NAALADL2: variants seen among roughly 807,000 people sequenced by gnomAD.
The protein encoded by NAALADL2 is N-acetylated alpha-linked acidic dipeptidase like 2, also known as inactive N-acetylated-alpha-linked acidic dipeptidase-like protein 2.
In NAALADL2, 76 loss-of-function variants were observed where a neutral mutation model predicts 87.2. The observed-to-expected ratio is 0.87, with a 90% CI of 0.72 to 1.05. The LOEUF is 1.05. Ranked by LOEUF, NAALADL2 falls within the 50% of genes least tolerant of loss-of-function variation. NAALADL2 has a pLI of 0.00. For synonymous variants in NAALADL2, 354 were observed against 331.0 expected (o/e 1.07, Z -0.75); for missense variants, 1,089 against 945.8 (o/e 1.15, Z -1.99).
chr3:175,658,728 C>G (rs527733379), intron 11 of NAALADL2, among the ~76,000 whole-genome samples: 1 of 152,182 alleles, frequency 6.6e-6, no homozygotes, highest in East Asian at 1.9e-4. Flanking sequence ...TGAGTATATC[C>G]AAACAATCTT....
chr3:174,788,323 G>T (rs1019049274), intron 3 of NAALADL2, among the ~76,000 whole-genome samples: 1 of 152,160 alleles, frequency 6.6e-6, no homozygotes, highest in Non-Finnish European at 1.5e-5. Context: ...AAGTCTATTT[G>T]AAAGAAGACA....
intron 3 of NAALADL2, among the ~76,000 whole-genome samples, chr3:174,792,600 G>A (rs1245648134): frequency 3.3e-5 from 5 of 152,050 alleles, no homozygotes; most frequent in Non-Finnish European, 7.4e-5. Context: ...TTCTGGTATG[G>A]CAATTCTCTT....
chr3:175,522,884 C>G (rs1015200374), intron 9 of NAALADL2, among the ~76,000 whole-genome samples: 20 of 152,106 alleles, frequency 1.3e-4, no homozygotes, highest in African/African-American at 4.6e-4. Context: ...TCTACATATC[C>G]CTTAAAATCA....
intron 3 of NAALADL2, among the ~76,000 whole-genome samples, chr3:174,853,083 TG>T (rs1284989048): frequency 6.6e-6 from 1 of 150,904 alleles, no homozygotes; most frequent in Non-Finnish European, 1.5e-5. Context: ...GACTTACATC[TG>T]GCAGGGTGCA....
intron 1 of NAALADL2, among the ~76,000 whole-genome samples, chr3:174,461,833 G>A (rs1398072110): frequency 2.0e-5 from 3 of 152,006 alleles, no homozygotes; most frequent in African/African-American, 7.2e-5. Context: ...CCCACACTGT[G>A]TGTGTGTATG....
rs1016797184 is a variant in NAALADL2, at chr3:175,312,104, T to C, written c.940-12071T>C. 2.6e-5 allele frequency among the ~76,000 whole-genome samples: 4 copies of C among 152,140 alleles called. No individual in the cohort carries two copies. The South Asian group carries it at 8.3e-4, about 31-fold the overall frequency. On this transcript the variant is annotated intron_variant, in intron 4 of 13. Transcript: ENST00000454872. ...ACTGGAATCTTACAAGAATTTTTAG[T>C]GGCATTCTTACAACACAATACATAA...
intron 1 of NAALADL2, among the ~76,000 whole-genome samples, chr3:174,518,222 A>G (rs909858108): frequency 5.9e-5 from 9 of 152,144 alleles, no homozygotes; most frequent in Non-Finnish European, 1.0e-4. Flanking sequence ...TGATTTTTAA[A>G]GTTTGGCAAA....
At chr3:175,096,737 T>A in intron 1 of NAALADL2, 53 bp from the exon 2 acceptor site, 4 of 1,230,842 alleles carry the variant, frequency 3.2e-6, no homozygotes, top group Non-Finnish European at 4.3e-6. Flanking sequence ...ACTTTGTTAG[T>A]TTTTTTAATT....
chr3:174,559,505 T>C (rs765983833), intron 2 of NAALADL2, among the ~76,000 whole-genome samples: 2 of 151,966 alleles, frequency 1.3e-5, no homozygotes, highest in Non-Finnish European at 2.9e-5. Context: ...TCGTGCAAGA[T>C]GGAGTTGCTT....
intron 3 of NAALADL2, among the ~76,000 whole-genome samples, chr3:174,798,837 T>A (rs1004593133): frequency 5.3e-5 from 8 of 152,112 alleles, no homozygotes; most frequent in African/African-American, 1.9e-4. Context: ...TTCCTATGGA[T>A]TTTTTTATAT....
intron 6 of NAALADL2, chr3:175,460,052 T>C (rs1722879849): frequency 4.7e-6 from 2 of 427,834 alleles, no homozygotes; most frequent in Non-Finnish European, 9.3e-6. Flanking sequence ...CAGATTATAC[T>C]ACAGAGAGTT....
At chr3:174,590,870 T>A (rs1231395856) in intron 2 of NAALADL2, among the ~76,000 whole-genome samples, 2 of 152,132 alleles carry the variant, frequency 1.3e-5, no homozygotes, top group African/African-American at 4.8e-5. Flanking sequence ...TACTAGCTAT[T>A]TCGGTGAAAT....
chr3:175,806,890 T>A lies in NAALADL2; in HGVS notation c.*3687T>A, dbSNP rs1183257881. On this transcript the variant is annotated 3_prime_UTR_variant, in exon 14 of 14. Transcript: ENST00000454872. The stretch of plus-strand genomic sequence containing the variant: ...ATCAGACTATTTTGATTCTAGAAAG[T>A]GAGATAATTGAAAATGTTAACATAT... 1 of 151,418 alleles carries A rather than the reference T, an allele frequency of 6.6e-6. No individual in the cohort carries two copies. The highest frequency in any genetic ancestry group is 1.5e-5 in the Non-Finnish European group (1 of 67,746). The allele number at this position is 151,418 out of a possible 1,614,324, so 9.4% of individuals were successfully genotyped here. A position where few individuals can be genotyped will look rare whatever the true frequency, so the allele number is the denominator to read the frequency against.
chr3:175,229,955 T>C (rs1431286698), intron 2 of NAALADL2, among the ~76,000 whole-genome samples: 1 of 151,992 alleles, frequency 6.6e-6, no homozygotes, highest in African/African-American at 2.4e-5. Flanking sequence ...GTTGTAATAA[T>C]GAAAACGGCA....
chr3:174,732,676 A>G (rs533348872), intron 2 of NAALADL2, among the ~76,000 whole-genome samples: 5 of 152,288 alleles, frequency 3.3e-5, no homozygotes, highest in African/African-American at 9.6e-5. Flanking sequence ...TTAATTAAAA[A>G]TGAAATTTAT....
At chr3:174,455,118 TA>T (rs1228616367) in intron 1 of NAALADL2, among the ~76,000 whole-genome samples, 1 of 151,694 alleles carries the variant, frequency 6.6e-6, no homozygotes, top group East Asian at 1.9e-4. Flanking sequence ...GCATACAAAC[TA>T]AAAAATCCAG....
chr3:174,579,309 G>A (rs1353390495), intron 2 of NAALADL2, among the ~76,000 whole-genome samples: 1 of 151,888 alleles, frequency 6.6e-6, no homozygotes, highest in Non-Finnish European at 1.5e-5. Flanking sequence ...AACCAACAGA[G>A]ATATCTATAA....
intron 9 of NAALADL2, among the ~76,000 whole-genome samples, chr3:175,527,324 G>A (rs542754900): frequency 5.3e-5 from 8 of 152,266 alleles, no homozygotes; most frequent in African/African-American, 1.9e-4. Flanking sequence ...GGATAGTAAA[G>A]TTACCTATAA....
chr3:174,555,593 C>A (rs1260635063), intron 2 of NAALADL2, among the ~76,000 whole-genome samples: 8 of 152,204 alleles, frequency 5.3e-5, no homozygotes, highest in Non-Finnish European at 1.2e-4. Context: ...AGCCTCCGCG[C>A]CTGGCCAAAA....
Sources: allele counts gnomAD v4.1 joint callset (sites outside exome capture counted in the v4.1 genomes callset), GRCh38; gene constraint gnomAD v4.1.1; transcripts MANE v1.5; gene names NCBI Gene and HGNC (gene_info 2026-07-23, HGNC 2026-07-21).